The following TNFSF13B variants were observed in gnomAD, a reference collection of about 807,000 sequenced individuals.
TNFSF13B encodes TNF superfamily member 13b.
Under a neutral mutation model 29.1 loss-of-function variants are expected in TNFSF13B, and 8 were observed. That is an observed-to-expected ratio of 0.27 (90% confidence interval 0.16 to 0.50). The LOEUF is 0.50. Among genes scored for constraint, TNFSF13B ranks in the 20% least tolerant of loss-of-function variants. The pLI is 0.98. For synonymous variants in TNFSF13B, 125 were observed against 130.8 expected (o/e 0.96, Z 0.30); for missense variants, 248 against 334.9 (o/e 0.74, Z 2.03).
chr13:108,299,284 ATTC>A (rs1275743283), intron 3 of TNFSF13B, among the ~76,000 whole-genome samples: 1 of 145,240 alleles, frequency 6.9e-6, no homozygotes, highest in Non-Finnish European at 1.5e-5. Context: ...TAATGACTTT[ATTC>A]TTTTGGTCCG....
chr13:108,291,057 TG>T (rs2139058900), intron 3 of TNFSF13B, among the ~76,000 whole-genome samples: 2 of 152,116 alleles, frequency 1.3e-5, no homozygotes, highest in Non-Finnish European at 2.9e-5. Context: ...GTTTAGTCTA[TG>T]TTTTTTTCAC....
intron 3 of TNFSF13B, among the ~76,000 whole-genome samples, chr13:108,288,611 C>G (rs1339805320): frequency 2.0e-5 from 3 of 152,170 alleles, no homozygotes. Context: ...GGCTTTCACA[C>G]CTTTGTAAAG....
chr13:108,277,444 G>A (rs755593032), intron 2 of TNFSF13B, among the ~76,000 whole-genome samples: 1 of 152,004 alleles, frequency 6.6e-6, no homozygotes, highest in Non-Finnish European at 1.5e-5. Context: ...CCTTTGGGTC[G>A]GGGGTTTCTG....
In TNFSF13B at chr13:108,305,015, G is replaced by A. The variant is rs142358817; in HGVS notation, c.745+1411G>A. 2.5e-3 allele frequency among the ~76,000 whole-genome samples: 382 copies of A among 152,126 alleles called. 1 individual carries two copies. Among genetic ancestry groups the A allele is most frequent in the African/African-American group, 8.2e-3 (341 of 41,504 alleles). The stretch of plus-strand genomic sequence containing the variant: ...AATTTTACAAGTAACTCTTTAAAAC[G>A]TTTTTCTAATCATCTGCTCCTCTAA... On this transcript the variant is annotated intron_variant, in intron 5 of 5. Transcript: ENST00000375887.
intron 2 of TNFSF13B, among the ~76,000 whole-genome samples, chr13:108,279,592 A>T (rs1880873898): frequency 6.6e-6 from 1 of 152,168 alleles, no homozygotes; most frequent in South Asian, 2.1e-4. Flanking sequence ...CGGGGCATGG[A>T]GGAACTGTTT....
intron 2 of TNFSF13B, among the ~76,000 whole-genome samples, chr13:108,278,645 C>T (rs201417089): frequency 0.016 from 60 of 3,706 alleles, no homozygotes; most frequent in Admixed American, 0.039. Flanking sequence ...CCTCCTCCTC[C>T]ACTTCTCTTT....
At chr13:108,273,922 G>A (rs550533272) in intron 2 of TNFSF13B, among the ~76,000 whole-genome samples, 1 of 152,194 alleles carries the variant, frequency 6.6e-6, no homozygotes, top group East Asian at 1.9e-4. Context: ...CCTTGAGATA[G>A]CAAGACCAAC....
At chr13:108,282,585 T>G (rs1323351290) in intron 2 of TNFSF13B, among the ~76,000 whole-genome samples, 1 of 152,216 alleles carries the variant, frequency 6.6e-6, no homozygotes, top group South Asian at 2.1e-4. Context: ...CAATAGCAAA[T>G]TATTTTTGTC....
intron 3 of TNFSF13B, among the ~76,000 whole-genome samples, chr13:108,302,371 C>T (rs1881650060): frequency 6.6e-6 from 1 of 152,108 alleles, no homozygotes; most frequent in Non-Finnish European, 1.5e-5. Context: ...TTAATTTATA[C>T]TCCCCAAATT....
At chr13:108,280,345 T>C (rs555957833) in intron 2 of TNFSF13B, among the ~76,000 whole-genome samples, 12 of 152,268 alleles carry the variant, frequency 7.9e-5, no homozygotes, top group African/African-American at 2.4e-4. Context: ...AGCATTATAT[T>C]TGAGACATGT....
chr13:108,301,404 C>T (rs1046383395), intron 3 of TNFSF13B: 7 of 152,256 alleles, frequency 4.6e-5, no homozygotes, highest in African/African-American at 1.7e-4. Context: ...CCTAAGTGTC[C>T]ATCTGCAGAT....
intron 2 of TNFSF13B, among the ~76,000 whole-genome samples, chr13:108,272,160 T>C (rs1880637433): frequency 6.6e-6 from 1 of 152,150 alleles, no homozygotes; most frequent in Non-Finnish European, 1.5e-5. Context: ...TGTTTACTAA[T>C]ATGAATAAAC....
chr13:108,276,617 G>C (rs1880769804), intron 2 of TNFSF13B, among the ~76,000 whole-genome samples: 1 of 152,130 alleles, frequency 6.6e-6, no homozygotes, highest in Admixed American at 6.5e-5. Context: ...TGTTGAAAAA[G>C]TGAAAAGGTT....
chr13:108,288,515 T>C (rs1433057284), intron 3 of TNFSF13B, among the ~76,000 whole-genome samples: 1 of 152,204 alleles, frequency 6.6e-6, no homozygotes, highest in Admixed American at 6.5e-5. Context: ...TCATCTAACA[T>C]GAAGCCCATT....
Position 108,271,820 on chromosome 13 carries a change from T to C in TNFSF13B, c.424+1396T>C, listed in dbSNP as rs1728722331. 2.0e-5 allele frequency among the ~76,000 whole-genome samples: 3 copies of C among 152,286 alleles called. No homozygotes were observed. In the South Asian group the frequency reaches 6.2e-4, roughly 32 times the overall value. The stretch of plus-strand genomic sequence containing the variant: ...TCTAAGTATTTTTCATATATCTGTA[T>C]TAATTTATCTAACAATTGTTTTAAA... On this transcript the variant is annotated intron_variant, in intron 2 of 5. Coordinates refer to ENST00000375887, the MANE Select transcript of TNFSF13B (RefSeq NM_006573.5).
At chr13:108,286,413 A>T (rs1881133743) in intron 2 of TNFSF13B, among the ~76,000 whole-genome samples, 2 of 152,084 alleles carry the variant, frequency 1.3e-5, no homozygotes, top group South Asian at 4.1e-4. Context: ...GTAGGTCATT[A>T]TTTAATGTTA....
upstream of TNFSF13B, chr13:108,269,712 TAC>T (rs1433609328): frequency 1.7e-6 from 1 of 600,278 alleles, no homozygotes; most frequent in Admixed American, 3.1e-5. Flanking sequence ...AAACCTACTG[TAC>T]AGTAGGGGTA....
intron 2 of TNFSF13B, among the ~76,000 whole-genome samples, chr13:108,275,989 A>G (rs1238728380): frequency 6.6e-6 from 1 of 152,232 alleles, no homozygotes; most frequent in African/African-American, 2.4e-5. Context: ...AATTGCTAAA[A>G]GTGAAGATAT....
chr13:108,301,686 T>C (rs763260393), intron 3 of TNFSF13B, among the ~76,000 whole-genome samples: 1 of 152,176 alleles, frequency 6.6e-6, no homozygotes, highest in East Asian at 1.9e-4. Context: ...TTACGAAATT[T>C]CAGTTAGACT....
Sources: allele counts gnomAD v4.1 joint callset (sites outside exome capture counted in the v4.1 genomes callset), GRCh38; gene constraint gnomAD v4.1.1; transcripts MANE v1.5; gene names NCBI Gene and HGNC (gene_info 2026-07-23, HGNC 2026-07-21).